The following PLXNA4 variants were observed in gnomAD, a reference collection of about 807,000 sequenced individuals.
PLXNA4 encodes the protein plexin A4.
In PLXNA4, 44 loss-of-function variants were observed where a neutral mutation model predicts 191.8. The observed-to-expected ratio is 0.23, with a 90% confidence interval of 0.18 to 0.29. The LOEUF (loss-of-function observed/expected upper bound fraction) is 0.29, where lower values mean the gene tolerates loss of function less well. Among genes scored for constraint, PLXNA4 ranks in the 10% least tolerant of loss-of-function variants. PLXNA4 has a pLI of 1.00. For missense variants in PLXNA4, 1,800 were observed against 2,488.8 expected (o/e 0.72, Z 5.89); for synonymous variants, 1,082 against 1,009.5 (o/e 1.07, Z -1.36).
intron 4 of PLXNA4, among the ~76,000 whole-genome samples, chr7:132,255,096 C>T (rs748218366): frequency 5.3e-5 from 8 of 152,158 alleles, no homozygotes; most frequent in Non-Finnish European, 1.2e-4. Flanking sequence ...ATGCCATTGC[C>T]TATGACAGAC....
chr7:132,219,204 C>T (rs899637335), intron 9 of PLXNA4, among the ~76,000 whole-genome samples: 11 of 152,288 alleles, frequency 7.2e-5, no homozygotes, highest in Admixed American at 3.9e-4. Flanking sequence ...CCTGGGTATA[C>T]CTTCATTCCA....
chr7:132,190,038 T>C (rs1209630857), intron 14 of PLXNA4, among the ~76,000 whole-genome samples: 1 of 152,226 alleles, frequency 6.6e-6, no homozygotes, highest in Non-Finnish European at 1.5e-5. Context: ...TATTTGCCTG[T>C]GGCAACCTCT....
At chr7:132,641,701 C>T (rs1803746249) in intron 2 of PLXNA4, among the ~76,000 whole-genome samples, 1 of 152,130 alleles carries the variant, frequency 6.6e-6, no homozygotes, top group African/African-American at 2.4e-5. Flanking sequence ...CGTTTTCTTT[C>T]TATATAAACT....
chr7:132,350,677 C>T (rs1803447854), intron 3 of PLXNA4, among the ~76,000 whole-genome samples: 1 of 152,072 alleles, frequency 6.6e-6, no homozygotes, highest in Non-Finnish European at 1.5e-5. Flanking sequence ...GGAACCCTCA[C>T]ACATTGCTGG....
At chr7:132,356,948 G>A (rs1197570788) in intron 3 of PLXNA4, among the ~76,000 whole-genome samples, 3 of 151,742 alleles carry the variant, frequency 2.0e-5, no homozygotes, top group African/African-American at 7.3e-5. Flanking sequence ...GGATGAGGAA[G>A]ACAGAGGGGC....
At chr7:132,592,204 A>T (rs1802615024) in intron 2 of PLXNA4, among the ~76,000 whole-genome samples, 1 of 152,166 alleles carries the variant, frequency 6.6e-6, no homozygotes, top group Non-Finnish European at 1.5e-5. Flanking sequence ...CCATATCTAC[A>T]TTCCATCTGC....
At chr7:132,253,989 C>T (rs564379770) in intron 4 of PLXNA4, among the ~76,000 whole-genome samples, 2 of 152,302 alleles carry the variant, frequency 1.3e-5, no homozygotes, top group South Asian at 2.1e-4. Context: ...GGGCTGTAAT[C>T]CTAGACCCGT....
intron 2 of PLXNA4, among the ~76,000 whole-genome samples, chr7:132,618,302 T>C (rs73432833): frequency 0.078 from 11,862 of 152,240 alleles, 1,077 homozygotes; most frequent in East Asian, 0.28. Context: ...TCCTATACTG[T>C]TATTCTTCAG....
intron 3 of PLXNA4, among the ~76,000 whole-genome samples, chr7:132,305,361 AACACAC>A (rs57158164): frequency 0.14 from 18,009 of 131,014 alleles, 1,398 homozygotes; most frequent in Admixed American, 0.26. Flanking sequence ...GCTTACCAAG[AACACAC>A]ACACACACAC....
intron 3 of PLXNA4, among the ~76,000 whole-genome samples, chr7:132,453,411 C>G (rs1796200256): frequency 1.3e-5 from 2 of 152,172 alleles, no homozygotes; most frequent in African/African-American, 4.8e-5. Context: ...CCCACCCTAG[C>G]TCTATTGACT....
At chr7:132,430,409 C>A (rs139914717) in intron 3 of PLXNA4, among the ~76,000 whole-genome samples, 1 of 152,166 alleles carries the variant, frequency 6.6e-6, no homozygotes, top group Non-Finnish European at 1.5e-5. Context: ...GGTTAAGTAG[C>A]ACAAGGCAGA....
chr7:132,583,225 C>T (rs909047169), intron 2 of PLXNA4, among the ~76,000 whole-genome samples: 8 of 152,174 alleles, frequency 5.3e-5, no homozygotes, highest in Non-Finnish European at 8.8e-5. Context: ...AATGGGGCTC[C>T]AGGGTGAGTC....
At chr7:132,351,118 T>G (rs1803467627) in intron 3 of PLXNA4, among the ~76,000 whole-genome samples, 1 of 152,354 alleles carries the variant, frequency 6.6e-6, no homozygotes, top group African/African-American at 2.4e-5. Flanking sequence ...AGTGGCTACC[T>G]AGGGCTGGGG....
chr7:132,187,562 C>T lies in PLXNA4; in HGVS notation c.2902G>A (p.Gly968Arg), dbSNP rs752446626. 3 of 1,613,808 alleles carry T rather than the reference C, an allele frequency of 1.9e-6. No homozygotes were observed. Among genetic ancestry groups the T allele is most frequent in the Admixed American group, 3.3e-5 (2 of 59,980 alleles). The change falls in exon 15 of 32, where the codon GGA becomes AGA. Residue 968 changes from glycine (G) to arginine (R), a missense_variant. Physicochemically the swap from Gly to Arg is moderately radical, Grantham distance 125. This residue lies in a region of PLXNA4 where 1,397 missense variants were observed against 1,880.4 expected (regional missense o/e 0.74). Transcript: ENST00000321063. The stretch of plus-strand genomic sequence containing the variant: ...CCTGTGATGGTCACTTGGGTCCCTC[C>T]GGACATGGGCCCCCGGCTGGGCTTC... ...DLKPSRGPMS[G>R]GTQVTITGTN...
At chr7:132,437,720 C>T (rs1415598749) in intron 3 of PLXNA4, among the ~76,000 whole-genome samples, 4 of 152,068 alleles carry the variant, frequency 2.6e-5, no homozygotes, top group African/African-American at 9.7e-5. Context: ...GGCCCCAGAC[C>T]ACTAAATACA....
intron 5 of PLXNA4, among the ~76,000 whole-genome samples, chr7:132,237,933 G>A (rs1481356457): frequency 2.0e-5 from 3 of 152,208 alleles, no homozygotes; most frequent in Non-Finnish European, 4.4e-5. Context: ...GCTGAGGTGG[G>A]ATAAGGCAGC....
chr7:132,158,250 A>C (rs1795849998), intron 25 of PLXNA4, among the ~76,000 whole-genome samples: 1 of 152,232 alleles, frequency 6.6e-6, no homozygotes, highest in Non-Finnish European at 1.5e-5. Flanking sequence ...ATCAGAATTC[A>C]GAGGGAGTGG....
In PLXNA4 at chr7:132,159,590, C is replaced by G; in HGVS notation, c.4543G>C (p.Val1515Leu). Reference protein sequence around the residue: ...VSPDNANSPEVPVKILNCDTI... With the variant: ...VSPDNANSPELPVKILNCDTI... Reference sequence around the variant, plus strand: ...TCACAGTTGAGGATCTTTACTGGGACCTCGGGGCTGTTGGCATTGTCTGGG... The same window carrying G: ...TCACAGTTGAGGATCTTTACTGGGAGCTCGGGGCTGTTGGCATTGTCTGGG... The change falls in exon 25 of 32, where the codon GTC (valine) becomes CTC (leucine). Residue 1515 changes from valine (V) to leucine (L), a missense_variant. This residue lies in a region of PLXNA4 where 214 missense variants were observed against 298.2 expected (regional missense o/e 0.72). Coordinates refer to ENST00000321063, the MANE Select transcript of PLXNA4 (RefSeq NM_020911.2). 6.2e-7 allele frequency: 1 copy of G among 1,614,088 alleles called. No homozygotes were observed. Among genetic ancestry groups the G allele is most frequent in the Non-Finnish European group, 8.5e-7 (1 of 1,180,032 alleles).
chr7:132,204,034 T>G (rs1318450681), intron 10 of PLXNA4, among the ~76,000 whole-genome samples: 1 of 152,078 alleles, frequency 6.6e-6, no homozygotes, highest in African/African-American at 2.4e-5. Context: ...GGGAGCTTGT[T>G]GGTGACGGGG....
Sources: allele counts gnomAD v4.1 joint callset (sites outside exome capture counted in the v4.1 genomes callset), GRCh38; gene constraint gnomAD v4.1.1; regional missense constraint gnomAD v4.1.1; transcripts MANE v1.5; gene names NCBI Gene and HGNC (gene_info 2026-07-23, HGNC 2026-07-21).